The following SLC12A7 variants were observed in gnomAD, a reference collection of about 807,000 sequenced individuals.
SLC12A7 encodes K-Cl cotransporter 4.
Under a neutral mutation model 120.6 loss-of-function variants are expected in SLC12A7, and 100 were observed. The ratio of observed to expected loss-of-function variants is 0.83; its 90% CI spans 0.71 to 0.98. SLC12A7 has a LOEUF of 0.98. Ranked by LOEUF, SLC12A7 falls within the 50% of genes least tolerant of loss-of-function variation. The pLI is 0.00. For missense variants in SLC12A7, 1,373 were observed against 1,548.1 expected (o/e 0.89, Z 1.90); for synonymous variants, 760 against 678.0 (o/e 1.12, Z -1.88).
Position 1,086,969 on chromosome 5 carries a change from G to A in SLC12A7, c.609C>T (p.Leu203=), listed in dbSNP as rs147474197. The A allele has an allele frequency of 1.9e-4, 305 of 1,612,760 alleles. No homozygotes were observed. The highest frequency in any genetic ancestry group is 3.3e-4 in the Middle Eastern group (2 of 6,084). ...LGPEFGGAVG[L]CFYLGTTFAG... ...CAAACGTCGTGCCCAGGTAGAAGCA[G>A]AGGCCGACAGCGCCTCCAAACTCGG... is the stretch of plus-strand genomic sequence containing the variant. The change falls in exon 6 of 24, where the codon CTC becomes CTT. Residue 203 remains leucine (L), a synonymous_variant. Transcript: ENST00000264930.
chr5:1,079,415 A>G lies in SLC12A7; in HGVS notation c.1379T>C (p.Val460Ala), dbSNP rs1238307866. 2 of 1,612,652 alleles carry G rather than the reference A, an allele frequency of 1.2e-6. No homozygotes were observed. Among genetic ancestry groups the G allele is most frequent in the South Asian group, 2.2e-5 (2 of 91,082 alleles). ...SIPTGTILAIVTTSFIYLSCI... is the reference protein window; with the variant it reads ...SIPTGTILAIATTSFIYLSCI... ...AAGGATACAGATGAAAGACGTCGTC[A>G]CTATGGCCAGGATGGTCCCCGTGGG... Residue 460 changes from valine to alanine, a missense_variant, in exon 10 of 24, where the codon GTG becomes GCG. Transcript: ENST00000264930.
At chr5:1,129,697 T>C in the SLC12A7 span, among the ~76,000 whole-genome samples, 2 of 151,538 alleles carry the variant, frequency 1.3e-5, no homozygotes, top group Non-Finnish European at 2.9e-5. Context: ...ACCCACTGTT[T>C]CACGGAAAAA....
intron 1 of SLC12A7, among the ~76,000 whole-genome samples, chr5:1,101,362 GC>G (rs1194612708): frequency 2.0e-4 from 30 of 152,284 alleles, no homozygotes; most frequent in African/African-American, 6.7e-4. Context: ...AACAGAACCT[GC>G]CCCAAGCAGA....
chr5:1,081,116 A>T (rs928090585), intron 9 of SLC12A7, among the ~76,000 whole-genome samples: 15 of 3,656 alleles, frequency 4.1e-3, no homozygotes, highest in Non-Finnish European at 0.023. Context: ...GGAGAGAGAA[A>T]GAGTGCCGGA....
intron 3 of SLC12A7, among the ~76,000 whole-genome samples, chr5:1,090,575 G>A (rs1429467367): frequency 6.6e-6 from 1 of 152,322 alleles, no homozygotes; most frequent in Non-Finnish European, 1.5e-5. Flanking sequence ...GAGAGCCCAG[G>A]GCAGAGGTGA....
the SLC12A7 span, among the ~76,000 whole-genome samples, chr5:1,152,787 C>G: frequency 2.0e-5 from 3 of 152,194 alleles, no homozygotes; most frequent in Non-Finnish European, 2.9e-5. Context: ...GAGGGATGAC[C>G]GACACGGGGG....
chr5:1,111,709 TG>T (rs912487021), intron 1 of SLC12A7, among the ~76,000 whole-genome samples, 158 bp downstream of exon 1: 1 of 151,854 alleles, frequency 6.6e-6, no homozygotes, highest in Non-Finnish European at 1.5e-5. Flanking sequence ...TAACGTGGGG[TG>T]GGGGCCCTCG....
At chr5:1,122,414 A>G in the SLC12A7 span, among the ~76,000 whole-genome samples, 1 of 152,364 alleles carries the variant, frequency 6.6e-6, no homozygotes, top group Non-Finnish European at 1.5e-5. Flanking sequence ...CAGCTCAGAT[A>G]ACTGGTAAAA....
At chr5:1,062,101 G>C (rs1218543652) in intron 20 of SLC12A7, among the ~76,000 whole-genome samples, 1 of 152,134 alleles carries the variant, frequency 6.6e-6, no homozygotes, top group Non-Finnish European at 1.5e-5. Context: ...GGGAGCTCCA[G>C]GTTCCCGGAC....
intron 2 of SLC12A7, 118 bp downstream of exon 2, chr5:1,094,036 T>C (rs775961013): frequency 1.3e-6 from 1 of 741,990 alleles, no homozygotes; most frequent in African/African-American, 1.8e-5. Context: ...CCCCAGTTCC[T>C]TCCACGTGGT....
At chr5:1,068,607 T>C (rs1451525246) in intron 17 of SLC12A7, among the ~76,000 whole-genome samples, 1 of 152,186 alleles carries the variant, frequency 6.6e-6, no homozygotes, top group African/African-American at 2.4e-5. Flanking sequence ...TCGCAACCAA[T>C]GCAGCTAAGT....
In SLC12A7 at chr5:1,050,638, AGCCAGCACCATGTG is replaced by A; in HGVS notation, c.*1708_*1721del. The A allele has an allele frequency of 2.6e-6, 1 of 383,832 alleles. No homozygotes were observed. Among genetic ancestry groups the A allele is most frequent in the East Asian group, 3.7e-5 (1 of 27,000 alleles). The allele number at this position is 383,832 out of a possible 1,614,324, so 23.8% of individuals were successfully genotyped here. ...TTTCCAGCCACCAACCAACGTTCAG[AGCCAGCACCATGTG>A]GCCGCTGTGCCTCTAGCCTGCTCTC... On this transcript the variant is annotated 3_prime_UTR_variant, in exon 24 of 24. Coordinates refer to ENST00000264930, the MANE Select transcript of SLC12A7 (RefSeq NM_006598.3).
intron 1 of SLC12A7, among the ~76,000 whole-genome samples, chr5:1,099,166 GC>G (rs1449349804): frequency 6.6e-6 from 1 of 152,140 alleles, no homozygotes; most frequent in Non-Finnish European, 1.5e-5. Context: ...GCGAGGGATG[GC>G]CCAACAACCC....
chr5:1,056,989 G>C (rs1735690981), intron 22 of SLC12A7, among the ~76,000 whole-genome samples: 1 of 152,244 alleles, frequency 6.6e-6, no homozygotes, highest in African/African-American at 2.4e-5. Context: ...TCGCCTCCAT[G>C]GAACAGACCC....
intron 16 of SLC12A7, among the ~76,000 whole-genome samples, chr5:1,074,354 G>A (rs1469135628): frequency 3.3e-5 from 5 of 152,172 alleles, no homozygotes; most frequent in Admixed American, 2.0e-4. Flanking sequence ...GCTGGCAGAG[G>A]GGCCGGCTCC....
chr5:1,140,078 C>T, the SLC12A7 span, among the ~76,000 whole-genome samples: 10 of 152,202 alleles, frequency 6.6e-5, no homozygotes, highest in Non-Finnish European at 2.9e-5. Context: ...AGGTCGGTGA[C>T]CAGGCACCAC....
chr5:1,114,472 C>T (rs530688828), upstream of SLC12A7, among the ~76,000 whole-genome samples: 5 of 152,158 alleles, frequency 3.3e-5, no homozygotes, highest in South Asian at 6.2e-4. Flanking sequence ...GGTCTGGTGG[C>T]CCCTCCCTTC....
the SLC12A7 span, among the ~76,000 whole-genome samples, chr5:1,146,353 C>T: frequency 9.7e-6 from 1 of 103,586 alleles, no homozygotes; most frequent in East Asian, 3.5e-4. The surrounding 1 kb of genome is among the most constrained non-coding windows in gnomAD (Gnocchi z 6.5). Context: ...GACCACGGAC[C>T]TCCAGGCCTG....
chr5:1,094,063 G>A (rs1740840685), intron 2 of SLC12A7, 91 bp downstream of exon 2: 1 of 935,720 alleles, frequency 1.1e-6, no homozygotes, highest in Non-Finnish European at 1.7e-6. Context: ...TCCTGTGGGA[G>A]GCCCCGGCCT....
Sources: allele counts gnomAD v4.1 joint callset (sites outside exome capture counted in the v4.1 genomes callset), GRCh38; gene constraint gnomAD v4.1.1; non-coding constraint Gnocchi (gnomAD v3.1); transcripts MANE v1.5; gene names NCBI Gene and HGNC (gene_info 2026-07-23, HGNC 2026-07-21).